LCN12: variants seen among roughly 807,000 people sequenced by gnomAD.
The protein encoded by LCN12 is epididymal-specific lipocalin-12.
In LCN12, 15 loss-of-function variants were observed where a neutral mutation model predicts 23.7. The ratio of observed to expected loss-of-function variants is 0.63; its 90% CI spans 0.42 to 0.97. LCN12 has a LOEUF of 0.97. LCN12 is among the 50% of genes least tolerant of loss of function. LCN12 has a pLI of 0.00. For missense variants in LCN12, 219 were observed against 249.6 expected (o/e 0.88, Z 0.83); for synonymous variants, 116 against 111.5 (o/e 1.04, Z -0.25).
chr9:136,953,129 A>G lies in LCN12; in HGVS notation c.251+101A>G, dbSNP rs1294795650. The G allele has an allele frequency of 2.0e-6, 3 of 1,493,894 alleles. No homozygotes were observed. The East Asian group carries it at 6.8e-5, about 34-fold the overall frequency. 92.5% of individuals were successfully genotyped at this position (1,493,894 alleles called of 1,614,324 possible). A position where few individuals can be genotyped will look rare whatever the true frequency, so the allele number is the denominator to read the frequency against. On this transcript the variant is annotated intron_variant, in intron 2 of 5. Coordinates refer to ENST00000371633, the MANE Select transcript of LCN12 (RefSeq NM_178536.4). Reference sequence around the variant, plus strand: ...TGCGCCATGGGCCCTGTCCCAGCACAGGCAGCTTCATGACTCTGCCTGCCA... The same window carrying G: ...TGCGCCATGGGCCCTGTCCCAGCACGGGCAGCTTCATGACTCTGCCTGCCA...
intron 4 of LCN12, 84 bp from the exon 5 acceptor site, chr9:136,954,070 G>A: frequency 4.6e-6 from 7 of 1,527,532 alleles, no homozygotes; most frequent in Admixed American, 2.0e-5. Context: ...TGACTTGGGG[G>A]TACAGATAGT....
At chr9:136,952,679 C>T (rs1175744990) in intron 1 of LCN12, 3 of 642,722 alleles carry the variant, frequency 4.7e-6, no homozygotes, top group Non-Finnish European at 8.0e-6. Flanking sequence ...GAAACAGGCT[C>T]GGGAAGGCCG....
In LCN12 at chr9:136,952,662, G is replaced by A. The variant is rs533286277; in HGVS notation, c.114+221G>A. 7.7e-5 allele frequency: 49 copies of A among 634,066 alleles called. 1 individual carries two copies. Among genetic ancestry groups the A allele is most frequent in the South Asian group, 7.6e-4 (39 of 51,310 alleles). The allele number at this position is 634,066 out of a possible 1,614,324, so 39.3% of individuals were successfully genotyped here. On this transcript the variant is annotated intron_variant, in intron 1 of 5. Transcript: ENST00000371633. ...GCCCAGCCCATCGCTCCCTCTGTGC[G>A]TGAGGGGAAACAGGCTCGGGAAGGC...
intron 1 of LCN12, 105 bp downstream of exon 1, chr9:136,952,546 G>T (rs928823143): frequency 2.4e-6 from 2 of 845,926 alleles, no homozygotes; most frequent in Non-Finnish European, 3.7e-6. Flanking sequence ...GCCAGGACCA[G>T]CCGTGCTTCC....
rs1449608788 is a variant in LCN12, at chr9:136,953,693, C to T, written c.252-7C>T. On this transcript the variant is annotated splice_polypyrimidine_tract_variant and splice_region_variant and intron_variant, in intron 2 of 5. Coordinates refer to ENST00000371633, the MANE Select transcript of LCN12 (RefSeq NM_178536.4). ...AGCCTTCCGCCTCCACCTGTCCCCT[C>T]CTACAGAGGCCAGCACTGTGACACA... 22 of 1,576,492 alleles carry T rather than the reference C, an allele frequency of 1.4e-5. No individual in the cohort carries two copies. The highest frequency in any genetic ancestry group is 1.8e-5 in the Non-Finnish European group (21 of 1,160,180).
At chr9:136,955,646 A>G (rs928039004), downstream of LCN12, 29 of 507,944 alleles carry the variant, frequency 5.7e-5, no homozygotes, top group Middle Eastern at 1.5e-3. Context: ...TGACTCTGTC[A>G]GTGAGGGCAT....
At chr9:136,955,271 G>A (rs1851296450) in intron 5 of LCN12, 100 bp from the exon 6 acceptor site, 2 of 1,523,824 alleles carry the variant, frequency 1.3e-6, no homozygotes, top group East Asian at 4.8e-5. Context: ...CTTCTCACCT[G>A]AAGCCACCTG....
chr9:136,955,159 G>A (rs1324169184), intron 5 of LCN12: 3 of 1,416,226 alleles, frequency 2.1e-6, no homozygotes, highest in Admixed American at 3.0e-5. Context: ...AGGACCTGGG[G>A]CTGTTGGGAG....
At chr9:136,952,717 C>A in intron 1 of LCN12, 175 bp from the exon 2 acceptor site, 1 of 728,966 alleles carries the variant, frequency 1.4e-6, no homozygotes, top group Non-Finnish European at 2.2e-6. Context: ...GTCACCATGT[C>A]CCTGCCAGAC....
At chr9:136,952,562 C>A in intron 1 of LCN12, 121 bp downstream of exon 1, 1 of 746,796 alleles carries the variant, frequency 1.3e-6, no homozygotes, top group Non-Finnish European at 2.2e-6. Flanking sequence ...CTTCCAGGAG[C>A]CCCCAGGCGG....
intron 5 of LCN12, chr9:136,954,747 C>T (rs751944157): frequency 1.5e-6 from 2 of 1,291,028 alleles, no homozygotes; most frequent in South Asian, 2.5e-5. Flanking sequence ...CCTCAGCAGC[C>T]TGCCCTGGGT....
intron 5 of LCN12, 32 bp downstream of exon 5, chr9:136,954,287 A>G: frequency 1.3e-6 from 2 of 1,552,332 alleles, no homozygotes; most frequent in Non-Finnish European, 1.7e-6. Flanking sequence ...CATGCTGGGC[A>G]GTAGGCACGG....
At chr9:136,950,747 G>T (rs751566040), upstream of LCN12, among the ~76,000 whole-genome samples, 18 of 152,328 alleles carry the variant, frequency 1.2e-4, no homozygotes, top group South Asian at 6.2e-4. Flanking sequence ...CCAGCCTCCT[G>T]AAACGCTAGC....
chr9:136,951,839 T>TG (rs1554788980), upstream of LCN12, among the ~76,000 whole-genome samples: 1 of 145,464 alleles, frequency 6.9e-6, no homozygotes, highest in African/African-American at 2.5e-5. Flanking sequence ...AGGGTGGGGG[T>TG]AGGGGGGCGG....
upstream of LCN12, among the ~76,000 whole-genome samples, chr9:136,949,893 C>T (rs1208835307): frequency 1.3e-5 from 2 of 152,180 alleles, no homozygotes; most frequent in Admixed American, 1.3e-4. Context: ...CGCGGCTGCT[C>T]CTCCCCGTGG....
chr9:136,951,879 G>A (rs955349531), upstream of LCN12, among the ~76,000 whole-genome samples: 6 of 152,380 alleles, frequency 3.9e-5, no homozygotes, highest in Middle Eastern at 3.4e-3. Context: ...CAGGGGGAAT[G>A]CCCGGGTTTG....
At chr9:136,955,539 G>A, downstream of LCN12, 1 of 920,222 alleles carries the variant, frequency 1.1e-6, no homozygotes, top group Non-Finnish European at 1.6e-6. Flanking sequence ...TGGGCAAAGA[G>A]ACAGGAGCAA....
chr9:136,950,206 G>C (rs1042195482), upstream of LCN12, among the ~76,000 whole-genome samples: 6 of 152,210 alleles, frequency 3.9e-5, no homozygotes, highest in Admixed American at 1.3e-4. Flanking sequence ...CCCCGCGGTG[G>C]GGGGAGGAGG....
chr9:136,952,573 G>T (rs1851183737), intron 1 of LCN12, 132 bp downstream of exon 1: 1 of 694,670 alleles, frequency 1.4e-6, no homozygotes, highest in South Asian at 1.9e-5. Flanking sequence ...CCCCAGGCGG[G>T]CCCCTGACCT....
Sources: allele counts gnomAD v4.1 joint callset (sites outside exome capture counted in the v4.1 genomes callset), GRCh38; gene constraint gnomAD v4.1.1; transcripts MANE v1.5; gene names NCBI Gene and HGNC (gene_info 2026-07-23, HGNC 2026-07-21).